PEDS1: variants seen among roughly 807,000 people sequenced by gnomAD.
PEDS1 encodes CarF homolog.
In PEDS1, 14 loss-of-function variants were observed where a neutral mutation model predicts 35.2. The ratio of observed to expected loss-of-function variants is 0.40; its 90% CI spans 0.26 to 0.62. PEDS1 has a LOEUF of 0.62. PEDS1 is among the 20% of genes least tolerant of loss of function. PEDS1 has a pLI of 0.44. For synonymous variants in PEDS1, 152 were observed against 152.0 expected, an observed-to-expected ratio of 1.00 and a Z score of 0.00; for missense variants, 260 against 367.8, an observed-to-expected ratio of 0.71 and a Z score of 2.40.
Position 50,153,643 on chromosome 20 carries a change from C to T in PEDS1, c.-6G>A, listed in dbSNP as rs1389622641. 8.0e-7 allele frequency: 1 copy of T among 1,246,784 alleles called. No homozygotes were observed. Among genetic ancestry groups the T allele is most frequent in the Non-Finnish European group, 1.0e-6 (1 of 994,192 alleles). The allele number at this position is 1,246,784 out of a possible 1,614,324, so 77.2% of individuals were successfully genotyped here. A position where few individuals can be genotyped will look rare whatever the true frequency, so the allele number is the denominator to read the frequency against. ...CAGTTCTCGGCGCCCGCCATGGCCA[C>T]TCGCCCGATCGGCCCGGTGCGCTCT... On this transcript the variant is annotated 5_prime_UTR_variant, in exon 1 of 6. It adds an upstream start codon to the 5' untranslated region. Coordinates refer to ENST00000371652, the MANE Select transcript of PEDS1 (RefSeq NM_199129.4).
At chr20:50,141,624 G>C (rs2081292355) in intron 2 of PEDS1, among the ~76,000 whole-genome samples, 1 of 152,234 alleles carries the variant, frequency 6.6e-6, no homozygotes, top group African/African-American at 2.4e-5. Context: ...ACCCAGGTTT[G>C]TAGAGGCCTG....
chr20:50,138,978 A>G (rs554625231), intron 2 of PEDS1, among the ~76,000 whole-genome samples: 42 of 151,970 alleles, frequency 2.8e-4, no homozygotes, highest in African/African-American at 9.6e-4. Context: ...CTCCCTGCCC[A>G]CCTCAAAGGC....
chr20:50,152,911 G>A (rs2081419527), intron 1 of PEDS1, among the ~76,000 whole-genome samples: 1 of 145,276 alleles, frequency 6.9e-6, no homozygotes, highest in Non-Finnish European at 1.5e-5. Context: ...CTAGGATGGG[G>A]TTTTGGGGGA....
intron 2 of PEDS1, among the ~76,000 whole-genome samples, chr20:50,138,519 G>A (rs2081259178): frequency 1.3e-5 from 2 of 152,256 alleles, no homozygotes; most frequent in Non-Finnish European, 1.5e-5. Flanking sequence ...TGAGCTCTCT[G>A]CTGAGCCTCA....
At chr20:50,130,292 C>T (rs189350765) in intron 3 of PEDS1, among the ~76,000 whole-genome samples, 14 of 152,290 alleles carry the variant, frequency 9.2e-5, no homozygotes, top group Non-Finnish European at 1.6e-4. Context: ...AGGAGAAGGA[C>T]AGTTCTCTTT....
chr20:50,153,505 C>A lies in PEDS1; in HGVS notation c.121+12G>T. On this transcript the variant is annotated intron_variant, in intron 1 of 5. Transcript: ENST00000371652. ...GTGACCGCAGGCCTGGAGGGGGGCC[C>A]AGAGGTCTTACCTGGCGAGTAGAGC... The A allele has an allele frequency of 1.5e-6, 2 of 1,371,990 alleles. No individual in the cohort carries two copies. The highest frequency in any genetic ancestry group is 9.5e-7 in the Non-Finnish European group (1 of 1,054,210). The allele number at this position is 1,371,990 out of a possible 1,614,324, so 85.0% of individuals were successfully genotyped here. A position where few individuals can be genotyped will look rare whatever the true frequency, so the allele number is the denominator to read the frequency against.
intron 2 of PEDS1, among the ~76,000 whole-genome samples, chr20:50,140,954 GA>G (rs770886675): frequency 6.6e-6 from 1 of 152,212 alleles, no homozygotes; most frequent in African/African-American, 2.4e-5. Context: ...GTGGGATGGG[GA>G]AGCTGGTGCT....
Position 50,153,661 on chromosome 20 carries a change from T to A in PEDS1, c.-24A>T, listed in dbSNP as rs1383231643. 2.5e-6 allele frequency: 3 copies of A among 1,220,908 alleles called. No homozygotes were observed. The highest frequency in any genetic ancestry group is 3.1e-6 in the Non-Finnish European group (3 of 980,824). The allele number at this position is 1,220,908 out of a possible 1,614,324, so 75.6% of individuals were successfully genotyped here. ...ATGGCCACTCGCCCGATCGGCCCGG[T>A]GCGCTCTGCTGGCGGCGGCGGCGGC... On this transcript the variant is annotated 5_prime_UTR_variant, in exon 1 of 6. Transcript: ENST00000371652.
intron 1 of PEDS1, chr20:50,151,082 C>T: frequency 5.0e-6 from 2 of 399,148 alleles, no homozygotes; most frequent in Non-Finnish European, 9.4e-6. Flanking sequence ...ATGCACTGAG[C>T]CTGGTCTCTC....
rs117689946 is a variant in PEDS1 at position 50,146,657 on chromosome 20, C to A, written c.122-3036G>T. ...CCCAGAACCAGGACAGCTGCCCTCC[C>A]CTGCCCCTTGAAAAGACCAAGGCTC... is the stretch of plus-strand genomic sequence containing the variant. On this transcript the variant is annotated intron_variant, in intron 1 of 5. Transcript: ENST00000371652. 3.9e-3 allele frequency among the ~76,000 whole-genome samples: 588 copies of A among 152,292 alleles called. 1 individual carries two copies. Among genetic ancestry groups the A allele is most frequent in the South Asian group, 0.012 (59 of 4,826 alleles).
intron 2 of PEDS1, among the ~76,000 whole-genome samples, chr20:50,134,468 A>G (rs1343711345): frequency 6.6e-6 from 1 of 151,952 alleles, no homozygotes; most frequent in Non-Finnish European, 1.5e-5. Flanking sequence ...AATGGCTTGA[A>G]CCTGGGAGGC....
intron 1 of PEDS1, among the ~76,000 whole-genome samples, chr20:50,150,947 C>T (rs760944042): frequency 4.6e-5 from 7 of 152,110 alleles, no homozygotes; most frequent in African/African-American, 1.7e-4. Context: ...CCACCCACCT[C>T]GGCCTCCCAA....
intron 2 of PEDS1, among the ~76,000 whole-genome samples, chr20:50,135,658 C>CAAA (rs34069451): frequency 0.3 from 11,393 of 37,690 alleles, 1,710 homozygotes; most frequent in African/African-American, 0.34. Context: ...AACTCCATCT[C>CAAA]AAAAAAAAAA....
intron 3 of PEDS1, 133 bp downstream of exon 3, chr20:50,130,723 G>T: frequency 8.9e-7 from 1 of 1,128,556 alleles, no homozygotes; most frequent in Non-Finnish European, 1.3e-6. Flanking sequence ...TGCAGCACAG[G>T]GGTGAGGGAC....
rs1288286822 is a variant in PEDS1, at chr20:50,128,125, A to T, written c.541T>A (p.Phe181Ile). The change falls in exon 5 of 6, where the codon TTC becomes ATC. Residue 181 changes from phenylalanine to isoleucine, a missense_variant. Around this residue, in one of 4 missense-constraint regions of PEDS1, gnomAD observed 83 missense variants for 142.8 expected, o/e 0.58. Transcript: ENST00000371652. The surrounding 1 kb of genome is among the most constrained non-coding windows in gnomAD (Gnocchi z 5.2). Reference sequence around the variant, plus strand: ...GACCACTTGTGGATCTGGTTGGTGAAGGTGCCGAAGATGATCAGGCAGAAG... The same window carrying T: ...GACCACTTGTGGATCTGGTTGGTGATGGTGCCGAAGATGATCAGGCAGAAG... ...FVFCLIIFGT[F>I]TNQIHKWSHT... The T allele has an allele frequency of 6.2e-7, 1 of 1,614,136 alleles. No individual in the cohort carries two copies. Among genetic ancestry groups the T allele is most frequent in the Non-Finnish European group, 8.5e-7 (1 of 1,180,026 alleles).
chr20:50,152,456 C>G (rs574425012), intron 1 of PEDS1, among the ~76,000 whole-genome samples: 30 of 152,304 alleles, frequency 2.0e-4, no homozygotes, highest in Non-Finnish European at 3.7e-4. Context: ...TCACCTGAAC[C>G]AGGAGTTCTC....
intron 1 of PEDS1, among the ~76,000 whole-genome samples, chr20:50,149,511 G>T (rs567585637): frequency 1.3e-5 from 2 of 152,312 alleles, no homozygotes; most frequent in East Asian, 3.9e-4. Flanking sequence ...CATCTGGCAT[G>T]AGGTGGGCTG....
At chr20:50,134,805 A>AG (rs1440387446) in intron 2 of PEDS1, among the ~76,000 whole-genome samples, 2 of 152,244 alleles carry the variant, frequency 1.3e-5, no homozygotes, top group African/African-American at 4.8e-5. Flanking sequence ...TTTTATGCGT[A>AG]GACACACCTG....
chr20:50,140,412 C>T (rs1368034510), intron 2 of PEDS1, among the ~76,000 whole-genome samples: 2 of 152,258 alleles, frequency 1.3e-5, no homozygotes, highest in African/African-American at 4.8e-5. Flanking sequence ...ACCAGGCCCT[C>T]ATGGCCCCAC....
Sources: gnomAD v4.1 joint callset for allele counts (sites outside exome capture counted in the v4.1 genomes callset) on GRCh38, gnomAD v4.1.1 for gene constraint, gnomAD v4.1.1 regional missense constraint, Gnocchi (gnomAD v3.1) non-coding constraint, MANE v1.5 for transcripts, NCBI Gene and HGNC (gene_info 2026-07-23, HGNC 2026-07-21) for gene names.